ERC2: variants seen among roughly 807,000 people sequenced by gnomAD.
ERC2 encodes ERC protein 2.
A neutral mutation model predicts 114.8 loss-of-function variants in ERC2; 42 were observed. The ratio of observed to expected loss-of-function variants is 0.37; its 90% CI spans 0.29 to 0.47. The LOEUF (loss-of-function observed/expected upper bound fraction) is 0.47, where lower values mean the gene tolerates loss of function less well. Among genes scored for constraint, ERC2 ranks in the 20% least tolerant of loss-of-function variants. The pLI is 0.99. For missense variants in ERC2, 939 were observed against 1,150.7 expected (o/e 0.82, Z 2.66); for synonymous variants, 454 against 425.5 (o/e 1.07, Z -0.82).
chr3:55,919,996 A>T (rs1195863176), intron 13 of ERC2, among the ~76,000 whole-genome samples: 1 of 152,188 alleles, frequency 6.6e-6, no homozygotes. Context: ...ATAATAGCAC[A>T]TATTATCTGT....
At chr3:56,130,510 A>G in intron 6 of ERC2, among the ~76,000 whole-genome samples, 1 of 152,214 alleles carries the variant, frequency 6.6e-6, no homozygotes, top group East Asian at 1.9e-4. Flanking sequence ...TATAAAGTCA[A>G]AAGCAATTTT....
At position 56,158,478 on chromosome 3, in the gene ERC2, A is replaced by T. The variant is rs1448630574; in HGVS notation, c.1150-9346T>A. ...CAAAGGCACAACCTCTTTTTTACAG[A>T]TAAAACTCAATTTTCAAACTCAAAG... On this transcript the variant is annotated intron_variant, in intron 4 of 17. Transcript: ENST00000288221. Among the ~76,000 whole-genome samples, 7 of 152,244 alleles carry T rather than the reference A, an allele frequency of 4.6e-5. No individual in the cohort carries two copies. In the South Asian group the frequency reaches 1.5e-3, roughly 32 times the overall value.
chr3:56,015,409 T>C (rs562363250), intron 8 of ERC2, among the ~76,000 whole-genome samples: 2 of 147,566 alleles, frequency 1.4e-5, no homozygotes, highest in Non-Finnish European at 3.0e-5. Flanking sequence ...CCCTTCCCTG[T>C]GTCCATGTGT....
intron 7 of ERC2, among the ~76,000 whole-genome samples, chr3:56,020,158 G>A (rs2073605373): frequency 6.6e-6 from 1 of 152,152 alleles, no homozygotes; most frequent in Non-Finnish European, 1.5e-5. Flanking sequence ...AGCTCTGGAT[G>A]CAAAGACAAT....
At chr3:55,986,792 C>T (rs1294574076) in intron 11 of ERC2, among the ~76,000 whole-genome samples, 1 of 151,020 alleles carries the variant, frequency 6.6e-6, no homozygotes, top group Non-Finnish European at 1.5e-5. Flanking sequence ...TCTCTATTGT[C>T]AAGCAAAAAA....
At chr3:56,278,020 G>A (rs1481609181) in intron 3 of ERC2, among the ~76,000 whole-genome samples, 1 of 152,180 alleles carries the variant, frequency 6.6e-6, no homozygotes, top group African/African-American at 2.4e-5. Context: ...TGCTTCATTT[G>A]TAACAAGGGG....
Position 56,300,814 on chromosome 3 carries a change from C to T in ERC2, c.658-4379G>A, listed in dbSNP as rs148162669. Among the ~76,000 whole-genome samples, 5 of 152,272 alleles carry T rather than the reference C, an allele frequency of 3.3e-5. No individual in the cohort carries two copies. In the East Asian group the frequency reaches 7.7e-4, roughly 24 times the overall value. ...CATCCAAACACTTTGACCCCAATGC[C>T]CCTGTTCAAACCACGACATCATTGG... is the stretch of plus-strand genomic sequence containing the variant. On this transcript the variant is annotated intron_variant, in intron 2 of 17. Transcript: ENST00000288221.
chr3:56,407,962 C>A (rs1269644877), intron 2 of ERC2, among the ~76,000 whole-genome samples: 1 of 152,192 alleles, frequency 6.6e-6, no homozygotes, highest in Non-Finnish European at 1.5e-5. Flanking sequence ...CACAGGGAAG[C>A]CTTCTCAACC....
chr3:55,776,946 G>A (rs1273577671), intron 14 of ERC2, among the ~76,000 whole-genome samples: 1 of 152,060 alleles, frequency 6.6e-6, no homozygotes, highest in Non-Finnish European at 1.5e-5. Flanking sequence ...AAAAACACGG[G>A]AGACATCTAC....
chr3:56,099,810 G>A (rs1386620387), intron 6 of ERC2, among the ~76,000 whole-genome samples: 2 of 152,286 alleles, frequency 1.3e-5, no homozygotes, highest in Non-Finnish European at 2.9e-5. Flanking sequence ...AGAACTCAGA[G>A]GTCTAAACTC....
intron 17 of ERC2, among the ~76,000 whole-genome samples, chr3:55,618,024 C>T (rs1276212928): frequency 6.6e-6 from 1 of 151,932 alleles, no homozygotes; most frequent in East Asian, 1.9e-4. Context: ...AGGAGAGAAA[C>T]TATACAAATC....
At chr3:56,183,335 C>T (rs2083394190) in intron 3 of ERC2, among the ~76,000 whole-genome samples, 1 of 152,204 alleles carries the variant, frequency 6.6e-6, no homozygotes, top group Admixed American at 6.5e-5. Context: ...GAGATCCTGT[C>T]CTCTCCACTT....
At chr3:56,074,956 G>A (rs186602088) in intron 7 of ERC2, among the ~76,000 whole-genome samples, 2 of 152,274 alleles carry the variant, frequency 1.3e-5, no homozygotes, top group East Asian at 3.9e-4. Context: ...CATTGATCAA[G>A]GAGCATCACA....
At chr3:55,836,964 C>G (rs2060918216) in intron 14 of ERC2, among the ~76,000 whole-genome samples, 1 of 152,158 alleles carries the variant, frequency 6.6e-6, no homozygotes, top group Non-Finnish European at 1.5e-5. Context: ...AGACATTTCT[C>G]AAAAGAAGAG....
chr3:55,802,437 T>A (rs2059337634), intron 14 of ERC2, among the ~76,000 whole-genome samples: 1 of 152,216 alleles, frequency 6.6e-6, no homozygotes, highest in Admixed American at 6.5e-5. Flanking sequence ...GGGAATGCTA[T>A]GTCATTTTTT....
chr3:56,225,586 G>A (rs2050198903), intron 3 of ERC2, among the ~76,000 whole-genome samples: 2 of 152,142 alleles, frequency 1.3e-5, no homozygotes, highest in South Asian at 4.1e-4. Flanking sequence ...CTAATCTGCA[G>A]CAAAATCTCA....
chr3:56,122,593 A>C (rs2079640737), intron 6 of ERC2, among the ~76,000 whole-genome samples: 1 of 152,146 alleles, frequency 6.6e-6, no homozygotes. Flanking sequence ...ATTTTGGCCC[A>C]TTCAGGTTGT....
chr3:56,318,686 T>C (rs1311688195), intron 2 of ERC2, among the ~76,000 whole-genome samples: 2 of 151,328 alleles, frequency 1.3e-5, no homozygotes, highest in Non-Finnish European at 2.9e-5. Flanking sequence ...ATAGCCAACA[T>C]GTATATGAAA....
At chr3:55,999,075 T>A (rs1034098400) in intron 10 of ERC2, among the ~76,000 whole-genome samples, 3 of 152,096 alleles carry the variant, frequency 2.0e-5, no homozygotes, top group Admixed American at 6.5e-5. Context: ...TTTGAAAGAC[T>A]CCCGATACCA....
Sources: gnomAD v4.1 joint callset for allele counts (sites outside exome capture counted in the v4.1 genomes callset) on GRCh38, gnomAD v4.1.1 for gene constraint, MANE v1.5 for transcripts, NCBI Gene and HGNC (gene_info 2026-07-23, HGNC 2026-07-21) for gene names.